Variants in PLCG1 observed in about 807,000 individuals in gnomAD.
The protein encoded by PLCG1 is 1-phosphatidylinositol 4,5-bisphosphate phosphodiesterase gamma-1.
PLCG1 carries 71 observed loss-of-function variants against 177.8 expected under a neutral mutation model. The ratio of observed to expected loss-of-function variants is 0.40; its 90% CI spans 0.33 to 0.49. PLCG1 has a LOEUF of 0.49. Among genes scored for constraint, PLCG1 ranks in the 20% least tolerant of loss-of-function variants. The pLI is 0.72. For synonymous variants in PLCG1, 658 were observed against 647.9 expected, an observed-to-expected ratio of 1.02 and a Z score of -0.24; for missense variants, 1,281 against 1,709.0, an observed-to-expected ratio of 0.75 and a Z score of 4.42.
intron 1 of PLCG1, among the ~76,000 whole-genome samples, chr20:41,139,780 G>C (rs538965253): frequency 6.6e-6 from 1 of 152,290 alleles, no homozygotes; most frequent in East Asian, 1.9e-4. Flanking sequence ...TGTGGCTATA[G>C]GTGAGGATGA....
Position 41,174,626 on chromosome 20 carries a change from C to G in PLCG1, c.*117C>G. The G allele has an allele frequency of 1.2e-6, 1 of 860,236 alleles. No homozygotes were observed. Among genetic ancestry groups the G allele is most frequent in the Non-Finnish European group, 1.9e-6 (1 of 524,666 alleles). 53.3% of individuals were successfully genotyped at this position (860,236 alleles called of 1,614,324 possible). ...CCTTCCGGGTCTCGCAGCCTGAAGC[C>G]TGGATTCCAGCAGTGAATGCTAGAC... is the stretch of plus-strand genomic sequence containing the variant. On this transcript the variant is annotated 3_prime_UTR_variant, in exon 32 of 32. Coordinates refer to ENST00000685551, the MANE Select transcript of PLCG1 (RefSeq NM_002660.3). This position sits in a 1 kb window ranked among gnomAD's most constrained non-coding sequence, Gnocchi z 5.8.
intron 4 of PLCG1, among the ~76,000 whole-genome samples, chr20:41,161,397 G>C (rs920890596): frequency 2.0e-5 from 3 of 152,194 alleles, no homozygotes; most frequent in African/African-American, 7.2e-5. Flanking sequence ...GCAGTAGCTG[G>C]AGAGCTAAGC....
chr20:41,137,874 T>G lies in PLCG1; in HGVS notation c.217+16T>G. 8.0e-7 allele frequency: 1 copy of G among 1,253,884 alleles called. No homozygotes were observed. Among genetic ancestry groups the G allele is most frequent in the Non-Finnish European group, 1.0e-6 (1 of 989,694 alleles). The allele number at this position is 1,253,884 out of a possible 1,614,324, so 77.7% of individuals were successfully genotyped here. ...GAGGGGGCCAGTAAGTGCGCCCACT[T>G]CCTGCCTGGGCCCGCCCCGCGCGGG... On this transcript the variant is annotated intron_variant, in intron 1 of 31. Coordinates refer to ENST00000685551, the MANE Select transcript of PLCG1 (RefSeq NM_002660.3). The surrounding 1 kb of genome is among the most constrained non-coding windows in gnomAD (Gnocchi z 7.3).
chr20:41,174,405 T>G lies in PLCG1; in HGVS notation c.3834-62T>G. The G allele has an allele frequency of 6.3e-7, 1 of 1,595,542 alleles. No homozygotes were observed. The highest frequency in any genetic ancestry group is 8.6e-7 in the Non-Finnish European group (1 of 1,167,244). On this transcript the variant is annotated intron_variant, in intron 31 of 31. Transcript: ENST00000685551. This position sits in a 1 kb window ranked among gnomAD's most constrained non-coding sequence, Gnocchi z 5.8. ...TCTCCTGGGTAGAAAAGTTGTAATATTGTCTGGCATTGGGCTGCAAGGCCC... is the reference window on the plus strand; with the variant it reads ...TCTCCTGGGTAGAAAAGTTGTAATAGTGTCTGGCATTGGGCTGCAAGGCCC...
Position 41,137,627 on chromosome 20 carries a change from C to A in PLCG1, c.-15C>A. ...GGTCCTGGCCTGTGCCGCCGCCGCC[C>A]CCAGCGTCGGAGCCATGGCGGGCGC... is the stretch of plus-strand genomic sequence containing the variant. On this transcript the variant is annotated 5_prime_UTR_variant, in exon 1 of 32. Coordinates refer to ENST00000685551, the MANE Select transcript of PLCG1 (RefSeq NM_002660.3). The surrounding 1 kb of genome is among the most constrained non-coding windows in gnomAD (Gnocchi z 7.3). 7.6e-7 allele frequency: 1 copy of A among 1,315,380 alleles called. No individual in the cohort carries two copies. Among genetic ancestry groups the A allele is most frequent in the Non-Finnish European group, 9.7e-7 (1 of 1,030,292 alleles). The allele number at this position is 1,315,380 out of a possible 1,614,324, so 81.5% of individuals were successfully genotyped here.
chr20:41,157,348 C>G lies in PLCG1; in HGVS notation c.218-2258C>G, dbSNP rs1223693053. ...TCAAAAGGCAGAGTTTGTGGTTGTT[C>G]TGCAGTTTCTGATCTAGCCATTTCC... On this transcript the variant is annotated intron_variant, in intron 1 of 31. Coordinates refer to ENST00000685551, the MANE Select transcript of PLCG1 (RefSeq NM_002660.3). This position sits in a 1 kb window ranked among gnomAD's most constrained non-coding sequence, Gnocchi z 5.4. Among the ~76,000 whole-genome samples the G allele has an allele frequency of 6.6e-6, 1 of 151,982 alleles. No individual in the cohort carries two copies. The highest frequency in any genetic ancestry group is 2.4e-5 in the African/African-American group (1 of 41,352).
Position 41,160,875 on chromosome 20 carries a change from T to C in PLCG1, c.512+722T>C, listed in dbSNP as rs749902996. ...GAGCAACTGGAAAACAGAGTCACCA[T>C]TGACTGAGATGAGAAGATCATGGGA... On this transcript the variant is annotated intron_variant, in intron 4 of 31. Transcript: ENST00000685551. This position sits in a 1 kb window ranked among gnomAD's most constrained non-coding sequence, Gnocchi z 5.5. 2.6e-4 allele frequency among the ~76,000 whole-genome samples: 40 copies of C among 152,262 alleles called. No homozygotes were observed. The highest frequency in any genetic ancestry group is 4.9e-4 in the Non-Finnish European group (33 of 68,012).
rs1365280451 is a variant in PLCG1 at position 41,163,611 on chromosome 20, C to A, written c.892-104C>A. On this transcript the variant is annotated intron_variant, in intron 9 of 31. Coordinates refer to ENST00000685551, the MANE Select transcript of PLCG1 (RefSeq NM_002660.3). The surrounding 1 kb of genome is among the most constrained non-coding windows in gnomAD (Gnocchi z 5.2). ...TCTACCTACTGTGCACCTTGCCCAC[C>A]CCCAGTTGGGACAGAGCACTCTCTC... 3.7e-6 allele frequency: 4 copies of A among 1,071,642 alleles called. No homozygotes were observed. Among genetic ancestry groups the A allele is most frequent in the East Asian group, 4.7e-5 (2 of 42,412 alleles). 66.4% of individuals were successfully genotyped at this position (1,071,642 alleles called of 1,614,324 possible). A position where few individuals can be genotyped will look rare whatever the true frequency, so the allele number is the denominator to read the frequency against.
Position 41,173,282 on chromosome 20 carries a change from G to C in PLCG1, c.3280-138G>C. ...CAGCTTAGGGTCCCTGATGTCGTGA[G>C]GGACTCCATGGGCAGTGTCCCGGGG... is the stretch of plus-strand genomic sequence containing the variant. On this transcript the variant is annotated intron_variant, in intron 27 of 31. Coordinates refer to ENST00000685551, the MANE Select transcript of PLCG1 (RefSeq NM_002660.3). The surrounding 1 kb of genome is among the most constrained non-coding windows in gnomAD (Gnocchi z 6.2). 1 of 836,608 alleles carries C rather than the reference G, an allele frequency of 1.2e-6. No homozygotes were observed. Among genetic ancestry groups the C allele is most frequent in the Non-Finnish European group, 1.8e-6 (1 of 544,848 alleles). 51.8% of individuals were successfully genotyped at this position (836,608 alleles called of 1,614,324 possible).
rs1204247628 is a variant in PLCG1, at chr20:41,173,874, C to T, written c.3557-49C>T. 2 of 1,611,230 alleles carry T rather than the reference C, an allele frequency of 1.2e-6. No homozygotes were observed. The highest frequency in any genetic ancestry group is 1.7e-6 in the Non-Finnish European group (2 of 1,177,600). On this transcript the variant is annotated intron_variant, in intron 29 of 31. Coordinates refer to ENST00000685551, the MANE Select transcript of PLCG1 (RefSeq NM_002660.3). The surrounding 1 kb of genome is among the most constrained non-coding windows in gnomAD (Gnocchi z 6.2). ...CTTGCTGGCAGGGTGGGGCTGGGCC[C>T]CTTGCTCTGTCCCTCGTGGGCTGAG...
chr20:41,161,507 C>G (rs2035494915), intron 4 of PLCG1, among the ~76,000 whole-genome samples: 1 of 152,118 alleles, frequency 6.6e-6, no homozygotes, highest in Non-Finnish European at 1.5e-5. Flanking sequence ...CAGGCAGTTG[C>G]AACCAGAAGG....
Position 41,165,919 on chromosome 20 carries a change from G to T in PLCG1, c.1799+93G>T. On this transcript the variant is annotated intron_variant, in intron 16 of 31. Coordinates refer to ENST00000685551, the MANE Select transcript of PLCG1 (RefSeq NM_002660.3). This position sits in a 1 kb window ranked among gnomAD's most constrained non-coding sequence, Gnocchi z 6.6. ...ATAATCAGTTAACATTTGAGCCTTT[G>T]ATCCAGGACAATAATTAGGCTTTAC... is the stretch of plus-strand genomic sequence containing the variant. 1 of 1,083,772 alleles carries T rather than the reference G, an allele frequency of 9.2e-7. No individual in the cohort carries two copies. The highest frequency in any genetic ancestry group is 2.3e-5 in the Admixed American group (1 of 43,360). The allele number at this position is 1,083,772 out of a possible 1,614,324, so 67.1% of individuals were successfully genotyped here.
intron 1 of PLCG1, among the ~76,000 whole-genome samples, chr20:41,155,951 G>GA (rs1302369162): frequency 6.6e-6 from 1 of 152,180 alleles, no homozygotes; most frequent in African/African-American, 2.4e-5. Context: ...ACTAAGCTGG[G>GA]AAGGGGATGG....
In PLCG1 at chr20:41,160,288, G is replaced by A; in HGVS notation, c.512+135G>A. On this transcript the variant is annotated intron_variant, in intron 4 of 31. Coordinates refer to ENST00000685551, the MANE Select transcript of PLCG1 (RefSeq NM_002660.3). The surrounding 1 kb of genome is among the most constrained non-coding windows in gnomAD (Gnocchi z 5.5). ...AGTGGGGCCAGGAGGGTGGGCAGAA[G>A]GTTCTGCCACGTGTAGCTTTCTGCA... is the stretch of plus-strand genomic sequence containing the variant. The A allele has an allele frequency of 1.3e-6, 1 of 774,478 alleles. No individual in the cohort carries two copies. Among genetic ancestry groups the A allele is most frequent in the East Asian group, 2.6e-5 (1 of 38,040 alleles). 48.0% of individuals were successfully genotyped at this position (774,478 alleles called of 1,614,324 possible). A position where few individuals can be genotyped will look rare whatever the true frequency, so the allele number is the denominator to read the frequency against.
intron 1 of PLCG1, among the ~76,000 whole-genome samples, chr20:41,154,413 G>GC (rs1305641573): frequency 3.9e-5 from 6 of 152,230 alleles, no homozygotes; most frequent in African/African-American, 1.4e-4. Flanking sequence ...GGATTGGCTG[G>GC]CTCTCACTGG....
intron 1 of PLCG1, among the ~76,000 whole-genome samples, chr20:41,139,326 C>T (rs2034735589): frequency 6.6e-6 from 1 of 152,176 alleles, no homozygotes; most frequent in African/African-American, 2.4e-5. Context: ...TGAGATAACC[C>T]TGGGAACATC....
intron 1 of PLCG1, chr20:41,138,082 G>T (rs113813042): frequency 5.3e-6 from 2 of 374,948 alleles, no homozygotes; most frequent in Non-Finnish European, 9.5e-6. Context: ...CCCCCAGCTG[G>T]GGGGAGTGTT....
intron 1 of PLCG1, among the ~76,000 whole-genome samples, chr20:41,143,261 G>A (rs1221839798): frequency 3.3e-5 from 5 of 152,214 alleles, no homozygotes; most frequent in Non-Finnish European, 7.3e-5. Context: ...GTCAGTCTCC[G>A]TTAACTCACA....
intron 1 of PLCG1, among the ~76,000 whole-genome samples, chr20:41,141,162 G>A (rs1255895843): frequency 2.0e-5 from 3 of 152,190 alleles, no homozygotes; most frequent in African/African-American, 4.8e-5. Context: ...GTCTTTGTGG[G>A]CCCAGTAAAC....
Sources: gnomAD v4.1 joint callset for allele counts (sites outside exome capture counted in the v4.1 genomes callset) on GRCh38, gnomAD v4.1.1 for gene constraint, Gnocchi (gnomAD v3.1) non-coding constraint, MANE v1.5 for transcripts, NCBI Gene and HGNC (gene_info 2026-07-23, HGNC 2026-07-21) for gene names.